TMEM181: variants seen among roughly 807,000 people sequenced by gnomAD.
The protein encoded by TMEM181 is G protein-coupled receptor 178.
In TMEM181, 39 loss-of-function variants were observed where a neutral mutation model predicts 71.9. The observed-to-expected ratio is 0.54, with a 90% CI of 0.42 to 0.71. The LOEUF (loss-of-function observed/expected upper bound fraction) is 0.71. Ranked by LOEUF, TMEM181 falls within the 30% of genes least tolerant of loss-of-function variation. The pLI, the probability that TMEM181 is intolerant of heterozygous loss-of-function variation, is 0.00. For synonymous variants in TMEM181, 245 were observed against 228.8 expected (o/e 1.07, Z -0.64); for missense variants, 595 against 583.0 (o/e 1.02, Z -0.21).
At chr6:158,545,654 CTTTTTTAGT>C (rs1781504117) in intron 1 of TMEM181, among the ~76,000 whole-genome samples, 1 of 151,174 alleles carries the variant, frequency 6.6e-6, no homozygotes, top group Non-Finnish European at 1.5e-5. Context: ...TCTTTCCATT[CTTTTTTAGT>C]TTTTTTTTTT....
chr6:158,609,158 A>G (rs1332033842), intron 10 of TMEM181, among the ~76,000 whole-genome samples: 1 of 152,032 alleles, frequency 6.6e-6, no homozygotes, highest in Admixed American at 6.5e-5. Context: ...ACTCATCCAG[A>G]AAAGAATCAG....
Position 158,625,108 on chromosome 6 carries a change from T to C in TMEM181, c.959T>C (p.Met320Thr), listed in dbSNP as rs766284842. 4.3e-6 allele frequency: 7 copies of C among 1,613,944 alleles called. No individual in the cohort carries two copies. In the South Asian group the frequency reaches 7.7e-5, roughly 18 times the overall value. ...TGCTGCCTTGTGTCCTCCTAGGGAA[T>C]GAAGGTCTTCTTCATGGTGGTGGCA... ...YRVDTGNFQGMKVFFMVVAAV... is the reference protein window; with the variant it reads ...YRVDTGNFQGTKVFFMVVAAV... Residue 320 changes from methionine to threonine, a missense_variant, in exon 12 of 17, where the codon ATG (methionine) becomes ACG (threonine). By Grantham distance (81) the Met-to-Thr change is moderately conservative. Transcript: ENST00000684151.
chr6:158,560,073 T>C, upstream of TMEM181: 3 of 985,102 alleles, frequency 3.0e-6, no homozygotes, highest in South Asian at 1.4e-4. Context: ...GCACGTGATC[T>C]CGGCGTCGCG....
intron 1 of TMEM181, among the ~76,000 whole-genome samples, chr6:158,565,294 C>A (rs1243200378): frequency 6.6e-6 from 1 of 152,208 alleles, no homozygotes. Context: ...CCTCGTGAGC[C>A]CTATGTGGGA....
intron 3 of TMEM181, among the ~76,000 whole-genome samples, chr6:158,581,701 G>T (rs1783488958): frequency 8.1e-6 from 1 of 123,840 alleles, no homozygotes; most frequent in African/African-American, 3.2e-5. Context: ...CTTGCCGTCA[G>T]CCAAGATCGT....
chr6:158,573,046 ATGTATGTGTG>A (rs1343952580), intron 1 of TMEM181, among the ~76,000 whole-genome samples: 1 of 151,718 alleles, frequency 6.6e-6, no homozygotes, highest in Non-Finnish European at 1.5e-5. Flanking sequence ...GCGTGTGTGT[ATGTATGTGTG>A]TGCATGAGAT....
At chr6:158,590,067 AC>A (rs1373924180) in intron 6 of TMEM181, among the ~76,000 whole-genome samples, 3 of 151,934 alleles carry the variant, frequency 2.0e-5, no homozygotes, top group Admixed American at 6.6e-5. Flanking sequence ...CAGACACAGC[AC>A]CCCCTTCTCT....
chr6:158,617,240 A>G (rs547968517), intron 10 of TMEM181, among the ~76,000 whole-genome samples: 135 of 151,770 alleles, frequency 8.9e-4, no homozygotes, highest in Non-Finnish European at 1.6e-3. Flanking sequence ...GAATTTATCT[A>G]TTTCTTCCAG....
chr6:158,582,829 C>A (rs1249165629), intron 3 of TMEM181, among the ~76,000 whole-genome samples: 1 of 152,234 alleles, frequency 6.6e-6, no homozygotes, highest in African/African-American at 2.4e-5. Flanking sequence ...AGAAGAATCA[C>A]TGGCAACATC....
At chr6:158,567,351 A>G (rs1044523744) in intron 1 of TMEM181, among the ~76,000 whole-genome samples, 4 of 152,226 alleles carry the variant, frequency 2.6e-5, no homozygotes, top group African/African-American at 9.6e-5. Context: ...CACCAACTTG[A>G]GGGAACAACA....
intron 10 of TMEM181, chr6:158,609,646 T>C (rs1194258895): frequency 4.9e-6 from 1 of 203,084 alleles, no homozygotes; most frequent in African/African-American, 2.3e-5. Flanking sequence ...CCAGCCTGTA[T>C]TACGTCAGGT....
intron 1 of TMEM181, among the ~76,000 whole-genome samples, chr6:158,546,947 G>A (rs543167859): frequency 3.2e-4 from 49 of 151,668 alleles, no homozygotes; most frequent in African/African-American, 1.1e-3. Flanking sequence ...GCGACACAGC[G>A]AGACTCCATC....
chr6:158,538,897 T>A (rs1226696736), intron 1 of TMEM181, among the ~76,000 whole-genome samples: 1 of 152,092 alleles, frequency 6.6e-6, no homozygotes, highest in African/African-American at 2.4e-5. Context: ...ACATGAAATG[T>A]TCAAGGCACA....
chr6:158,565,479 C>T lies in TMEM181; in HGVS notation c.8+5247C>T, dbSNP rs73796504. On this transcript the variant is annotated intron_variant, in intron 1 of 16. Transcript: ENST00000684151. ...GGGGCTGCCAGGAACTGCTGTGCCC[C>T]AGCTACAGAAGCAGAGGGCCAAAGC... is the stretch of plus-strand genomic sequence containing the variant. Among the ~76,000 whole-genome samples, 946 of 152,266 alleles carry T rather than the reference C, an allele frequency of 6.2e-3. 8 individuals carry two copies. Among genetic ancestry groups the T allele is most frequent in the African/African-American group, 0.021 (874 of 41,544 alleles).
chr6:158,582,988 A>G (rs887454239), intron 3 of TMEM181, among the ~76,000 whole-genome samples: 6 of 151,788 alleles, frequency 4.0e-5, no homozygotes, highest in African/African-American at 7.2e-5. Flanking sequence ...TAATCCCAGC[A>G]CTTTGGGAGG....
intron 11 of TMEM181, among the ~76,000 whole-genome samples, 197 bp from the exon 12 acceptor site, chr6:158,624,907 C>T (rs1176720388): frequency 6.6e-6 from 1 of 152,216 alleles, no homozygotes; most frequent in Non-Finnish European, 1.5e-5. Flanking sequence ...TGTCGTCCAC[C>T]TCAGGGGAGC....
At chr6:158,558,833 A>G (rs969208637), upstream of TMEM181, among the ~76,000 whole-genome samples, 8 of 151,482 alleles carry the variant, frequency 5.3e-5, no homozygotes, top group Non-Finnish European at 1.2e-4. Context: ...GGGGTTGGGG[A>G]CCCCTGCTCT....
chr6:158,605,492 C>T, intron 7 of TMEM181, 145 bp downstream of exon 7: 4 of 748,112 alleles, frequency 5.3e-6, no homozygotes, highest in Non-Finnish European at 9.2e-6. Context: ...TATTACAACT[C>T]TGTGTGTCTG....
intron 1 of TMEM181, among the ~76,000 whole-genome samples, chr6:158,564,280 A>C (rs1307853999): frequency 6.6e-6 from 1 of 152,164 alleles, no homozygotes; most frequent in Non-Finnish European, 1.5e-5. Context: ...CCCGACCTCC[A>C]CATTCTGGGT....
Sources: allele counts gnomAD v4.1 joint callset (sites outside exome capture counted in the v4.1 genomes callset), GRCh38; gene constraint gnomAD v4.1.1; transcripts MANE v1.5; gene names NCBI Gene and HGNC (gene_info 2026-07-23, HGNC 2026-07-21).